The following HDAC4 variants were observed in gnomAD, a reference collection of about 807,000 sequenced individuals.
HDAC4 encodes the protein histone deacetylase 4.
A neutral mutation model predicts 135.1 loss-of-function variants in HDAC4; 16 were observed. The ratio of observed to expected loss-of-function variants is 0.12; its 90% CI spans 0.08 to 0.18. The LOEUF (loss-of-function observed/expected upper bound fraction) is 0.18. HDAC4 is among the 10% of genes least tolerant of loss of function. The probability of loss-of-function intolerance (pLI) is 1.00; values close to 1 mark genes in which losing one functional copy is unlikely to be tolerated. For synonymous variants in HDAC4, 685 were observed against 653.4 expected (o/e 1.05, Z -0.74); for missense variants, 1,143 against 1,511.8 (o/e 0.76, Z 4.05).
At chr2:239,277,608 C>T (rs535290461) in intron 2 of HDAC4, among the ~76,000 whole-genome samples, 68 of 152,310 alleles carry the variant, frequency 4.5e-4, no homozygotes, top group African/African-American at 1.6e-3. Flanking sequence ...CCACTCTCAC[C>T]GCACGCATCC....
intron 2 of HDAC4, among the ~76,000 whole-genome samples, chr2:239,293,316 CCCCCAAAGGGGTTTG>C (rs2051644292): frequency 6.6e-6 from 1 of 152,230 alleles, no homozygotes; most frequent in Non-Finnish European, 1.5e-5. Flanking sequence ...CTCTGAGCTT[CCCCCAAAGGGGTTTG>C]ACCAGGGCCT....
In HDAC4 at chr2:239,331,972, A is replaced by G. The variant is rs1255004924; in HGVS notation, c.22+20706T>C. On this transcript the variant is annotated intron_variant, in intron 2 of 26. Transcript: ENST00000543185. This position sits in a 1 kb window ranked among gnomAD's most constrained non-coding sequence, Gnocchi z 4.5. ...CTCACAGAATCCGCAGCTTGAGCGT[A>G]AGAAGGGATACAAGAGGGAAAGGTG... Among the ~76,000 whole-genome samples, 2 of 152,194 alleles carry G rather than the reference A, an allele frequency of 1.3e-5. No individual in the cohort carries two copies. Among genetic ancestry groups the G allele is most frequent in the African/African-American group, 2.4e-5 (1 of 41,454 alleles).
intron 9 of HDAC4, among the ~76,000 whole-genome samples, chr2:239,137,112 T>C (rs2041017172): frequency 6.6e-6 from 1 of 152,238 alleles, no homozygotes; most frequent in African/African-American, 2.4e-5. Flanking sequence ...GCAAGGTTTT[T>C]TTTAAGCCCA....
intron 11 of HDAC4, among the ~76,000 whole-genome samples, chr2:239,130,549 T>TGCCCTTCCCTCTCCG (rs1182731597): frequency 1.5e-5 from 2 of 133,722 alleles, no homozygotes; most frequent in African/African-American, 2.6e-5. Context: ...CCTCCACCTG[T>TGCCCTTCCCTCTCCG]CCTTAAGACG....
At chr2:239,397,662 A>AC (rs1696658666) in intron 1 of HDAC4, among the ~76,000 whole-genome samples, 1 of 152,132 alleles carries the variant, frequency 6.6e-6, no homozygotes, top group Non-Finnish European at 1.5e-5. Flanking sequence ...CCCTCATGCC[A>AC]CCCCAAAACA....
At chr2:239,099,757 G>C (rs2037444710) in intron 16 of HDAC4, among the ~76,000 whole-genome samples, 1 of 152,166 alleles carries the variant, frequency 6.6e-6, no homozygotes, top group South Asian at 2.1e-4. Context: ...CCCTTCCTAG[G>C]GGTAGCTGCA....
At chr2:239,350,757 C>T (rs1391564945) in intron 2 of HDAC4, among the ~76,000 whole-genome samples, 1 of 152,176 alleles carries the variant, frequency 6.6e-6, no homozygotes, top group South Asian at 2.1e-4. Flanking sequence ...CCACCCTGAC[C>T]TTCCGAAGTG....
At chr2:239,278,561 G>C (rs1324759279) in intron 2 of HDAC4, among the ~76,000 whole-genome samples, 1 of 152,134 alleles carries the variant, frequency 6.6e-6, no homozygotes, top group East Asian at 1.9e-4. Context: ...TGTAGTCCCA[G>C]CTACTCAGAA....
intron 1 of HDAC4, among the ~76,000 whole-genome samples, chr2:239,358,747 GGAAACCTGGTTCC>G (rs563488477): frequency 7.2e-5 from 11 of 152,156 alleles, no homozygotes; most frequent in African/African-American, 2.4e-4. Flanking sequence ...TCTAACAGTG[GGAAACCTGGTTCC>G]TATTATCTAC....
chr2:239,132,799 C>T (rs998163043), intron 11 of HDAC4, among the ~76,000 whole-genome samples: 2 of 152,242 alleles, frequency 1.3e-5, no homozygotes, highest in African/African-American at 4.8e-5. Context: ...TGACAAACAT[C>T]TCTGACGAAG....
chr2:239,213,234 G>T (rs1197164659), intron 3 of HDAC4, among the ~76,000 whole-genome samples: 1 of 10,376 alleles, frequency 9.6e-5, no homozygotes, highest in Non-Finnish European at 2.5e-4. Context: ...GGCCAGGGAG[G>T]GGCGGGCGGG....
chr2:239,380,986 G>C (rs1695380452), intron 1 of HDAC4, among the ~76,000 whole-genome samples: 1 of 152,162 alleles, frequency 6.6e-6, no homozygotes, highest in African/African-American at 2.4e-5. Flanking sequence ...CGTCCTGATA[G>C]CTGAGAAAAT....
intron 2 of HDAC4, among the ~76,000 whole-genome samples, chr2:239,333,141 C>G (rs1691698276): frequency 6.6e-6 from 1 of 152,142 alleles, no homozygotes; most frequent in Non-Finnish European, 1.5e-5. Context: ...AGCATCTTTC[C>G]TACATAAACT....
At chr2:239,251,071 C>T (rs539765137) in intron 2 of HDAC4, among the ~76,000 whole-genome samples, 6 of 152,322 alleles carry the variant, frequency 3.9e-5, no homozygotes, top group African/African-American at 1.4e-4. Context: ...TAGAGGATGA[C>T]GTGGGGTGGA....
chr2:239,138,775 T>C (rs2041145489), intron 9 of HDAC4, among the ~76,000 whole-genome samples: 1 of 152,204 alleles, frequency 6.6e-6, no homozygotes, highest in South Asian at 2.1e-4. Flanking sequence ...TGCCTGGTTC[T>C]GTCCCTGGGC....
intron 7 of HDAC4, 138 bp downstream of exon 7, chr2:239,156,514 A>G (rs2042433270): frequency 5.7e-6 from 6 of 1,060,590 alleles, no homozygotes; most frequent in South Asian, 1.3e-5. Context: ...ACGATGCTCT[A>G]TGAAAGGAGA....
chr2:239,337,545 T>C (rs911230346), intron 2 of HDAC4, among the ~76,000 whole-genome samples: 2 of 152,110 alleles, frequency 1.3e-5, no homozygotes, highest in Admixed American at 6.5e-5. Context: ...TCCATCTTAA[T>C]CACATATTAT....
rs957020662 is a variant in HDAC4 at position 239,068,251 on chromosome 2, C to T, written c.2869+238G>A. 6.6e-6 allele frequency among the ~76,000 whole-genome samples: 1 copy of T among 152,186 alleles called. No individual in the cohort carries two copies. Among genetic ancestry groups the T allele is most frequent in the Non-Finnish European group, 1.5e-5 (1 of 68,032 alleles). ...ATCCCAGAGAGGGAGCCTCGTGTGCCCTAGGCCCTTCCTGGGCAAAGAGTG... is the reference window on the plus strand; with the variant it reads ...ATCCCAGAGAGGGAGCCTCGTGTGCTCTAGGCCCTTCCTGGGCAAAGAGTG... On this transcript the variant is annotated intron_variant, in intron 23 of 26. Transcript: ENST00000543185. The surrounding 1 kb of genome is among the most constrained non-coding windows in gnomAD (Gnocchi z 4.4).
intron 1 of HDAC4, among the ~76,000 whole-genome samples, chr2:239,369,037 C>T (rs1374667536): frequency 1.3e-5 from 2 of 152,120 alleles, no homozygotes; most frequent in Non-Finnish European, 2.9e-5. Flanking sequence ...CCCAGGGAAG[C>T]TGCAGGAAGG....
Sources: allele counts gnomAD v4.1 joint callset (sites outside exome capture counted in the v4.1 genomes callset), GRCh38; gene constraint gnomAD v4.1.1; non-coding constraint Gnocchi (gnomAD v3.1); transcripts MANE v1.5; gene names NCBI Gene and HGNC (gene_info 2026-07-23, HGNC 2026-07-21).